NRXN3: variants seen among roughly 807,000 people sequenced by gnomAD.
The protein encoded by NRXN3 is neurexin 3.
NRXN3 carries 32 observed loss-of-function variants against 137.6 expected under a neutral mutation model. The observed-to-expected ratio is 0.23, with a 90% confidence interval of 0.18 to 0.31. The LOEUF is 0.31. Among genes scored for constraint, NRXN3 ranks in the 10% least tolerant of loss-of-function variants. The pLI is 1.00. For synonymous variants in NRXN3, 798 were observed against 784.5 expected (o/e 1.02, Z -0.29); for missense variants, 1,574 against 2,062.5 (o/e 0.76, Z 4.59).
chr14:78,218,255 G>A (rs2063493394), intron 1 of NRXN3, among the ~76,000 whole-genome samples: 1 of 152,120 alleles, frequency 6.6e-6, no homozygotes, highest in South Asian at 2.1e-4. Context: ...TACTTGGGAA[G>A]CTGAGGTGGA....
chr14:78,594,324 G>A (rs552486995), intron 4 of NRXN3, among the ~76,000 whole-genome samples: 3 of 152,322 alleles, frequency 2.0e-5, no homozygotes, highest in Non-Finnish European at 4.4e-5. Flanking sequence ...GGCAGGGTCT[G>A]GGTGGTAGAG....
intron 8 of NRXN3, among the ~76,000 whole-genome samples, chr14:78,770,608 CT>C (rs1455076303): frequency 6.6e-6 from 1 of 152,084 alleles, no homozygotes; most frequent in Non-Finnish European, 1.5e-5. Context: ...GCTTTAAATT[CT>C]TATTTTTGAA....
At chr14:79,187,840 G>GCGA (rs898087364) in intron 15 of NRXN3, among the ~76,000 whole-genome samples, 1 of 152,194 alleles carries the variant, frequency 6.6e-6, no homozygotes, top group Non-Finnish European at 1.5e-5. Context: ...TAAATTGTTT[G>GCGA]CGACTTGAGG....
intron 15 of NRXN3, among the ~76,000 whole-genome samples, chr14:79,153,413 GAGAA>G (rs1433603571): frequency 1.3e-5 from 2 of 151,986 alleles, no homozygotes; most frequent in Admixed American, 6.6e-5. Flanking sequence ...ATTTGAGAGA[GAGAA>G]AGAGAGAGAA....
chr14:78,686,505 T>C (rs1448126163), intron 6 of NRXN3, among the ~76,000 whole-genome samples: 1 of 152,160 alleles, frequency 6.6e-6, no homozygotes, highest in Admixed American at 6.5e-5. Context: ...GGTTTTGCCA[T>C]TGGTGAGAGA....
intron 4 of NRXN3, among the ~76,000 whole-genome samples, chr14:78,525,072 A>G (rs1459448430): frequency 2.0e-5 from 3 of 152,116 alleles, no homozygotes; most frequent in Non-Finnish European, 4.4e-5. Context: ...TGTATTTTTG[A>G]GAAGCTCTAG....
At chr14:78,218,059 A>G (rs1185301194) in intron 1 of NRXN3, among the ~76,000 whole-genome samples, 1 of 152,142 alleles carries the variant, frequency 6.6e-6, no homozygotes, top group Non-Finnish European at 1.5e-5. Flanking sequence ...ATCCATGTTC[A>G]TATATGTATG....
chr14:79,720,495 G>A (rs1360084010), intron 19 of NRXN3, among the ~76,000 whole-genome samples: 4 of 152,044 alleles, frequency 2.6e-5, no homozygotes, highest in African/African-American at 9.7e-5. Context: ...GCACAGCAGA[G>A]AGTTTAAGGA....
At position 78,489,899 on chromosome 14, in the gene NRXN3, A is replaced by G. The variant is rs181782862; in HGVS notation, c.758-155221A>G. Among the ~76,000 whole-genome samples the G allele has an allele frequency of 2.1e-5, 3 of 144,162 alleles. No individual in the cohort carries two copies. In the East Asian group the frequency reaches 6.3e-4, roughly 30 times the overall value. 94.6% of individuals were successfully genotyped at this position (144,162 alleles called of 152,430 possible). A position where few individuals can be genotyped will look rare whatever the true frequency, so the allele number is the denominator to read the frequency against. On this transcript the variant is annotated intron_variant, in intron 4 of 20. Coordinates refer to ENST00000335750, the MANE Select transcript of NRXN3 (RefSeq NM_001330195.2). ...GATGCCACTCAAGAGCTCTCTGGAG[A>G]TTTACAGAGAGCTGGACTTTTTTTT...
At chr14:78,575,076 C>A (rs1317458531) in intron 4 of NRXN3, among the ~76,000 whole-genome samples, 1 of 152,160 alleles carries the variant, frequency 6.6e-6, no homozygotes, top group East Asian at 1.9e-4. Context: ...TTATAAGGGG[C>A]TTCCCTGTTT....
intron 15 of NRXN3, 43 bp from the exon 16 acceptor site, chr14:79,467,178 C>A (rs753543034): frequency 2.3e-5 from 36 of 1,553,012 alleles, no homozygotes; most frequent in Non-Finnish European, 3.1e-5. Flanking sequence ...TGGCTGTATG[C>A]AATGTAGTGC....
At chr14:79,529,707 G>A (rs1405035732) in intron 16 of NRXN3, among the ~76,000 whole-genome samples, 1 of 152,192 alleles carries the variant, frequency 6.6e-6, no homozygotes, top group African/African-American at 2.4e-5. Context: ...TTATCTCTCT[G>A]AAATTTTGTT....
Position 78,558,156 on chromosome 14 carries a change from A to T in NRXN3, c.758-86964A>T, listed in dbSNP as rs897278966. Among the ~76,000 whole-genome samples, 5 of 152,206 alleles carry T rather than the reference A, an allele frequency of 3.3e-5. 1 individual carries two copies. In the East Asian group the frequency reaches 5.8e-4, roughly 18 times the overall value. ...GAAAGACTGGCTAATCGTTATGTTCACCAGCCATTCTTCCAGATTCATCCA... is the reference window on the plus strand; with the variant it reads ...GAAAGACTGGCTAATCGTTATGTTCTCCAGCCATTCTTCCAGATTCATCCA... On this transcript the variant is annotated intron_variant, in intron 4 of 20. Coordinates refer to ENST00000335750, the MANE Select transcript of NRXN3 (RefSeq NM_001330195.2).
Position 78,966,041 on chromosome 14 carries a change from C to A in NRXN3, c.2412C>A (p.Asp804Glu). The A allele has an allele frequency of 6.2e-7, 1 of 1,614,042 alleles. No individual in the cohort carries two copies. Residue 804 changes from aspartate (D) to glutamate (E), a missense_variant, in exon 12 of 21, where the codon GAC becomes GAA. By Grantham distance (45) the Asp-to-Glu change is conservative. Transcript: ENST00000335750. ...DDVAEGTMVG[D>E]HTRLEFHNIE... Reference sequence around the variant, plus strand: ...TTTTCACAGGTACAATGGTGGGAGACCATACCCGTTTGGAGTTCCACAACA... The same window carrying A: ...TTTTCACAGGTACAATGGTGGGAGAACATACCCGTTTGGAGTTCCACAACA...
chr14:79,749,327 C>T (rs890800770), intron 19 of NRXN3, among the ~76,000 whole-genome samples: 3 of 152,068 alleles, frequency 2.0e-5, no homozygotes, highest in Admixed American at 6.6e-5. Context: ...CCAGATGGTG[C>T]CTGCTCATAG....
chr14:79,696,236 G>A (rs769389256), intron 18 of NRXN3, among the ~76,000 whole-genome samples: 12 of 151,844 alleles, frequency 7.9e-5, no homozygotes, highest in Non-Finnish European at 1.2e-4. Context: ...AAGCCCAAAC[G>A]TGACAATATC....
At chr14:78,936,815 G>T (rs1352126882) in intron 10 of NRXN3, among the ~76,000 whole-genome samples, 2 of 152,076 alleles carry the variant, frequency 1.3e-5, no homozygotes, top group African/African-American at 2.4e-5. Context: ...CACAGTTCAG[G>T]GTTATCATTC....
At chr14:78,340,613 G>A (rs1316611064) in intron 4 of NRXN3, among the ~76,000 whole-genome samples, 1 of 152,118 alleles carries the variant, frequency 6.6e-6, no homozygotes, top group African/African-American at 2.4e-5. Flanking sequence ...TCGTCTTCCA[G>A]GGTCTCTTCT....
chr14:79,388,590 C>G (rs1048889404), intron 15 of NRXN3, among the ~76,000 whole-genome samples: 1 of 152,016 alleles, frequency 6.6e-6, no homozygotes, highest in Non-Finnish European at 1.5e-5. Flanking sequence ...CAAAGCATGA[C>G]AGGCAGGCTC....
Sources: allele counts gnomAD v4.1 joint callset (sites outside exome capture counted in the v4.1 genomes callset), GRCh38; gene constraint gnomAD v4.1.1; transcripts MANE v1.5; gene names NCBI Gene and HGNC (gene_info 2026-07-23, HGNC 2026-07-21).